Variants in GSTA3 observed in about 807,000 individuals in gnomAD.
GSTA3 encodes glutathione S-transferase A3.
Under a neutral mutation model 23.1 loss-of-function variants are expected in GSTA3, and 16 were observed. That is an observed-to-expected ratio of 0.69 (90% CI 0.47 to 1.05). GSTA3 has a LOEUF of 1.05. Ranked by LOEUF, GSTA3 falls within the 50% of genes least tolerant of loss-of-function variation. The pLI is 0.00. For missense variants in GSTA3, 319 were observed against 263.6 expected (o/e 1.21, Z -1.46); for synonymous variants, 122 against 91.0 (o/e 1.34, Z -1.94).
At chr6:52,900,179 C>T (rs1765620992) in intron 4 of GSTA3, 104 bp from the exon 5 acceptor site, 2 of 892,244 alleles carry the variant, frequency 2.2e-6, no homozygotes, top group Admixed American at 5.3e-5. Flanking sequence ...TAAGGTAATT[C>T]ATCTCCATTG....
intron 2 of GSTA3, among the ~76,000 whole-genome samples, chr6:52,904,026 G>A (rs532113021): frequency 3.3e-5 from 5 of 151,040 alleles, no homozygotes; most frequent in African/African-American, 4.9e-5. Context: ...TCACTTTGTC[G>A]CCCAGGCTTA....
rs369452436 is a variant in GSTA3 at position 52,901,186 on chromosome 6, A to G, written c.273-1111T>C. 1.8e-4 allele frequency among the ~76,000 whole-genome samples: 27 copies of G among 152,332 alleles called. No homozygotes were observed. The South Asian group carries it at 5.4e-3, about 30-fold the overall frequency. ...TATAGTATTCAGTCACTTTTAGTAC[A>G]TTTACAGAATTCTGCAAATATCATC... On this transcript the variant is annotated intron_variant, in intron 4 of 6. Transcript: ENST00000211122.
chr6:52,897,856 G>C lies in GSTA3; in HGVS notation c.515C>G (p.Ser172Cys). 6.2e-7 allele frequency: 1 copy of C among 1,613,864 alleles called. No homozygotes were observed. Among genetic ancestry groups the C allele is most frequent in the South Asian group, 1.1e-5 (1 of 91,048 alleles). The change falls in exon 6 of 7, where the codon TCC (serine) becomes TGC (cysteine). Residue 172 changes from serine to cysteine, a missense_variant. By Grantham distance (112) the Ser-to-Cys change is moderately radical. Transcript: ENST00000211122. ...ELLYYVEELD[S>C]SLISNFPLLK... is the part of the protein sequence containing the mutation. ...CAGAGGGAAGTTGGAGATAAGGCTG[G>C]AGTCAAGCTCTTCCACATAGTAGAG...
At chr6:52,906,799 T>C (rs1003561250) in intron 1 of GSTA3, among the ~76,000 whole-genome samples, 1 of 150,846 alleles carries the variant, frequency 6.6e-6, no homozygotes, top group Non-Finnish European at 1.5e-5. Context: ...TTACACCTTA[T>C]ACAAAAATCA....
Position 52,902,357 on chromosome 6 carries a change from C to T in GSTA3, c.261G>A (p.Lys87=). The change falls in exon 4 of 7, where the codon AAG becomes AAA. Residue 87 remains lysine (K), a synonymous_variant. Coordinates refer to ENST00000211122, the MANE Select transcript of GSTA3 (RefSeq NM_000847.5). ...SKYNLYGKDI[K]ERALIDMYTE... ...AAAATATACCGTACAGGGCTCTCTC[C>T]TTTATGTCTTTCCCGTAGAGGTTGT... The T allele has an allele frequency of 6.2e-7, 1 of 1,613,900 alleles. No individual in the cohort carries two copies. The highest frequency in any genetic ancestry group is 1.3e-5 in the African/African-American group (1 of 75,026).
chr6:52,907,138 C>T (rs1368819476), intron 1 of GSTA3, among the ~76,000 whole-genome samples: 2 of 135,460 alleles, frequency 1.5e-5, no homozygotes, highest in Non-Finnish European at 3.1e-5. Context: ...ACAACCCCAT[C>T]AAAAAGTGGG....
Position 52,902,401 on chromosome 6 carries a change from T to C in GSTA3, c.217A>G (p.Asn73Asp), listed in dbSNP as rs41273858. 16,426 of 1,614,006 alleles carry C rather than the reference T, an allele frequency of 0.01. 122 individuals carry two copies. The highest frequency in any genetic ancestry group is 0.012 in the Non-Finnish European group (14,228 of 1,179,898). Residue 73 changes from asparagine (N) to aspartate (D), a missense_variant, in exon 4 of 7, where the codon AAC (asparagine) becomes GAC (aspartate). By Grantham distance (23) the Asn-to-Asp change is conservative (BLOSUM62 1). Transcript: ENST00000211122. ...AGGTTGTATTTGCTGGCAATGTAGT[T>C]GAGAATGGCTCTGGTCTGTACCAAC... ...MKLVQTRAIL[N>D]YIASKYNLYG...
chr6:52,898,692 C>T (rs980520630), intron 5 of GSTA3, among the ~76,000 whole-genome samples: 6 of 152,180 alleles, frequency 3.9e-5, no homozygotes, highest in East Asian at 1.9e-4. Flanking sequence ...GTTTCAGTGA[C>T]GCAAAAAGAA....
Position 52,903,877 on chromosome 6 carries a change from G to A in GSTA3, c.88-150C>T, listed in dbSNP as rs189177022. 1.4e-4 allele frequency: 82 copies of A among 587,538 alleles called. No individual in the cohort carries two copies. In the Admixed American group the frequency reaches 2.0e-3, roughly 14 times the overall value. The allele number at this position is 587,538 out of a possible 1,614,324, so 36.4% of individuals were successfully genotyped here. A position where few individuals can be genotyped will look rare whatever the true frequency, so the allele number is the denominator to read the frequency against. The stretch of plus-strand genomic sequence containing the variant: ...GACACAGAAGAAGCTGGTCATGGCC[G>A]CTTGGAAATTTAGATTTTATCCCTC... On this transcript the variant is annotated intron_variant, in intron 2 of 6. Transcript: ENST00000211122.
chr6:52,902,271 G>C (rs1765712117), intron 4 of GSTA3, 75 bp downstream of exon 4: 2 of 1,575,662 alleles, frequency 1.3e-6, no homozygotes, highest in African/African-American at 1.4e-5. Flanking sequence ...GCCCTGTCAT[G>C]GTCTCACCCA....
intron 1 of GSTA3, 113 bp from the exon 2 acceptor site, chr6:52,905,968 G>C: frequency 1.9e-6 from 1 of 514,920 alleles, no homozygotes; most frequent in Non-Finnish European, 3.4e-6. Flanking sequence ...CCTCATAGCA[G>C]GATTGTTTCC....
Position 52,902,373 on chromosome 6 carries a change from T to C in GSTA3, c.245A>G (p.Tyr82Cys), listed in dbSNP as rs1345050271. The change falls in exon 4 of 7, where the codon TAC becomes TGC. Residue 82 changes from tyrosine to cysteine, a missense_variant. Transcript: ENST00000211122. ...GGCTCTCTCCTTTATGTCTTTCCCGTAGAGGTTGTATTTGCTGGCAATGTA... is the reference window on the plus strand; with the variant it reads ...GGCTCTCTCCTTTATGTCTTTCCCGCAGAGGTTGTATTTGCTGGCAATGTA... The part of the protein sequence containing the change: ...LNYIASKYNL[Y>C]GKDIKERALI... The C allele has an allele frequency of 1.2e-6, 2 of 1,613,976 alleles. No homozygotes were observed. The highest frequency in any genetic ancestry group is 1.7e-6 in the Non-Finnish European group (2 of 1,179,868).
rs1251984100 is a variant in GSTA3 at position 52,902,302 on chromosome 6, A to C, written c.272+44T>G. On this transcript the variant is annotated intron_variant, in intron 4 of 6. Coordinates refer to ENST00000211122, the MANE Select transcript of GSTA3 (RefSeq NM_000847.5). ...ACCCACTCAAGGAAGGACCTAAATC[A>C]CTCTGTGTTCTCTGTGGATGGAAGA... The C allele has an allele frequency of 6.2e-6, 10 of 1,606,836 alleles. No homozygotes were observed. In the Admixed American group the frequency reaches 1.7e-4, roughly 27 times the overall value.
At chr6:52,905,708 C>T (rs370119079) in intron 2 of GSTA3, 40 bp downstream of exon 2, 1 of 1,124,882 alleles carries the variant, frequency 8.9e-7, no homozygotes, top group Non-Finnish European at 1.3e-6. Context: ...TTGATACAGT[C>T]AATTAGGTCC....
Position 52,896,866 on chromosome 6 carries a change from T to G in GSTA3, c.609A>C (p.Pro203=). 1.2e-6 allele frequency: 2 copies of G among 1,614,126 alleles called. No homozygotes were observed. The highest frequency in any genetic ancestry group is 1.7e-6 in the Non-Finnish European group (2 of 1,179,960). Residue 203 remains proline (P), a synonymous_variant, in exon 7 of 7, where the codon CCA becomes CCC. Transcript: ENST00000211122. ...TVKKFLQPGS[P]RKPPADAKAL... ...CTTTTGCATCTGCGGGAGGCTTCCT[T>G]GGGCTGCCAGGCTGTAGAAACTTCT...
At position 52,896,661 on chromosome 6, in the gene GSTA3, G is replaced by A; in HGVS notation, c.*145C>T. On this transcript the variant is annotated 3_prime_UTR_variant, in exon 7 of 7. Coordinates refer to ENST00000211122, the MANE Select transcript of GSTA3 (RefSeq NM_000847.5). Reference sequence around the variant, plus strand: ...AAATTTTAACTAAGTTAGCAAATAGGAGTTTTTATTATTTAATTAGCATAT... The same window carrying A: ...AAATTTTAACTAAGTTAGCAAATAGAAGTTTTTATTATTTAATTAGCATAT... 1.2e-6 allele frequency: 1 copy of A among 866,672 alleles called. No homozygotes were observed. Among genetic ancestry groups the A allele is most frequent in the Non-Finnish European group, 1.7e-6 (1 of 587,114 alleles). The allele number at this position is 866,672 out of a possible 1,614,324, so 53.7% of individuals were successfully genotyped here.
intron 1 of GSTA3, among the ~76,000 whole-genome samples, chr6:52,907,285 A>C (rs1465151640): frequency 2.5e-5 from 3 of 117,686 alleles, no homozygotes; most frequent in Non-Finnish European, 5.0e-5. Flanking sequence ...ACCATCTCAC[A>C]CCAGTTAGAA....
Position 52,899,978 on chromosome 6 carries a change from TC to T in GSTA3, c.369del (p.Ile124SerfsTer30). ...TAGCGACTTTTTGTTTTCTCTTTGA[TC>T]AAGGCAATCTTGGCATCTTTTTCCT... ...RPEEKDAKIALIKEKTKSRYF... is the reference protein window; with the variant it reads ...RPEEKDAKIAXIKEKTKSRYF... On this transcript the variant is annotated frameshift_variant, in exon 5 of 7. Transcript: ENST00000211122. LOFTEE classifies it high-confidence loss of function. 1 of 1,614,086 alleles carries T rather than the reference TC, an allele frequency of 6.2e-7. No homozygotes were observed.
At chr6:52,903,874 G>A (rs1402753029) in intron 2 of GSTA3, 147 bp from the exon 3 acceptor site, 8 of 597,256 alleles carry the variant, frequency 1.3e-5, no homozygotes, top group Non-Finnish European at 2.4e-5. Context: ...GCTGGTCATG[G>A]CCGCTTGGAA....
Sources: allele counts gnomAD v4.1 joint callset (sites outside exome capture counted in the v4.1 genomes callset), GRCh38; gene constraint gnomAD v4.1.1; transcripts MANE v1.5; gene names NCBI Gene and HGNC (gene_info 2026-07-23, HGNC 2026-07-21).